Variants in EFHC2 observed in about 807,000 individuals in gnomAD.
EFHC2 encodes EF-hand domain-containing family member C2.
Under a neutral mutation model 52.7 loss-of-function variants are expected in EFHC2, and 18 were observed. The ratio of observed to expected loss-of-function variants is 0.34; its 90% CI spans 0.24 to 0.51. The LOEUF (loss-of-function observed/expected upper bound fraction) is 0.51, where lower values mean the gene tolerates loss of function less well. Among genes scored for constraint, EFHC2 ranks in the 20% least tolerant of loss-of-function variants. The probability of loss-of-function intolerance (pLI) is 0.97; values close to 1 mark genes in which losing one functional copy is unlikely to be tolerated. For synonymous variants in EFHC2, 203 were observed against 204.1 expected (o/e 0.99, Z 0.04); for missense variants, 513 against 562.5 (o/e 0.91, Z 0.89).
chrX:44,174,232 G>A (rs1303817146), intron 13 of EFHC2, among the ~76,000 whole-genome samples: 4 of 111,614 alleles, frequency 3.6e-5, no homozygotes, highest in Non-Finnish European at 5.6e-5. Flanking sequence ...CGAGAGATAA[G>A]GAATCTGAGG....
intron 14 of EFHC2, among the ~76,000 whole-genome samples, chrX:44,150,923 G>A (rs2036565459): frequency 2.7e-5 from 3 of 110,971 alleles, no homozygotes; most frequent in South Asian, 3.9e-4. Context: ...AGATCATACC[G>A]GAGTAGGGTG....
chrX:44,254,897 G>A (rs1454964105), intron 4 of EFHC2, among the ~76,000 whole-genome samples: 1 of 111,801 alleles, frequency 8.9e-6, no homozygotes. Context: ...CCCACAAAGG[G>A]AAGCCCATCA....
chrX:44,174,825 C>G (rs2036773908), intron 13 of EFHC2, among the ~76,000 whole-genome samples: 2 of 111,261 alleles, frequency 1.8e-5, no homozygotes, highest in South Asian at 7.7e-4. Flanking sequence ...GGATCCCTCA[C>G]ACGGCTGCTA....
intron 11 of EFHC2, among the ~76,000 whole-genome samples, chrX:44,195,395 C>T (rs58203520): frequency 0.032 from 3,588 of 111,341 alleles, 162 homozygotes; most frequent in African/African-American, 0.11. Context: ...GACCTGTAAG[C>T]TAAATAAATG....
Position 44,210,618 on chromosome X carries a change from T to C in EFHC2, c.1751+19031A>G, listed in dbSNP as rs181814632. 3.5e-3 allele frequency among the ~76,000 whole-genome samples: 390 copies of C among 112,570 alleles called. 1 individual carries two copies. The highest frequency in any genetic ancestry group is 3.7e-3 in the Non-Finnish European group (196 of 53,322). The stretch of plus-strand genomic sequence containing the variant: ...GATGCTAAAAAAAATTGCATATCCA[T>C]GTGCAAACGAGCAAAACTTTTTAAC... On this transcript the variant is annotated intron_variant, in intron 11 of 14. Transcript: ENST00000420999.
intron 11 of EFHC2, among the ~76,000 whole-genome samples, chrX:44,221,617 C>T (rs1464620434): frequency 1.8e-5 from 2 of 111,640 alleles, no homozygotes; most frequent in Non-Finnish European, 3.8e-5. Flanking sequence ...GATGAACCTT[C>T]ATAATCAATC....
At chrX:44,198,388 T>C (rs2036981093) in intron 11 of EFHC2, among the ~76,000 whole-genome samples, 1 of 111,946 alleles carries the variant, frequency 8.9e-6, no homozygotes, top group South Asian at 3.7e-4. Context: ...ATAGTGGAAC[T>C]GATTTTAACT....
At chrX:44,323,770 G>A (rs1786141414) in intron 1 of EFHC2, among the ~76,000 whole-genome samples, 1 of 111,457 alleles carries the variant, frequency 9.0e-6, no homozygotes, top group Admixed American at 9.6e-5. Context: ...ACAGCTGCAA[G>A]AGAAAGAGAA....
At chrX:44,179,760 C>T (rs1387407741) in intron 11 of EFHC2, among the ~76,000 whole-genome samples, 2 of 112,105 alleles carry the variant, frequency 1.8e-5, no homozygotes, top group African/African-American at 3.2e-5. Context: ...GCAGGAGGCT[C>T]GCTATATGGA....
intron 4 of EFHC2, among the ~76,000 whole-genome samples, chrX:44,257,945 C>A (rs2037505732): frequency 9.0e-6 from 1 of 111,492 alleles, no homozygotes; most frequent in Non-Finnish European, 1.9e-5. Flanking sequence ...AGATATAGAC[C>A]AATGGAACAG....
intron 11 of EFHC2, among the ~76,000 whole-genome samples, chrX:44,218,918 G>T (rs2147311145): frequency 9.0e-6 from 1 of 111,098 alleles, no homozygotes; most frequent in Non-Finnish European, 1.9e-5. Flanking sequence ...ATTCATATTA[G>T]CCCCAAATCG....
intron 11 of EFHC2, among the ~76,000 whole-genome samples, chrX:44,204,154 A>G (rs907200818): frequency 1.8e-5 from 2 of 108,921 alleles, no homozygotes; most frequent in African/African-American, 6.7e-5. Flanking sequence ...TCAATCACAC[A>G]CAACATACAC....
At chrX:44,188,784 A>G (rs908150205) in intron 11 of EFHC2, among the ~76,000 whole-genome samples, 8 of 110,995 alleles carry the variant, frequency 7.2e-5, no homozygotes, top group African/African-American at 2.3e-4. Context: ...AAGGAGGCTG[A>G]GAGGAATGGG....
Position 44,312,561 on chromosome X carries a change from G to A in EFHC2, c.231+7C>T, listed in dbSNP as rs772977650. ...GACTGCATTCCTCCCAGTGTCATGT[G>A]ACTTACCTGTTTATCAAAGGCTACC... is the stretch of plus-strand genomic sequence containing the variant. On this transcript the variant is annotated splice_region_variant and intron_variant, in intron 2 of 14. Transcript: ENST00000420999. 2.2e-5 allele frequency: 26 copies of A among 1,185,104 alleles called. No individual in the cohort carries two copies. Among genetic ancestry groups the A allele is most frequent in the Non-Finnish European group, 2.3e-5 (20 of 880,995 alleles).
intron 3 of EFHC2, among the ~76,000 whole-genome samples, chrX:44,268,205 T>C (rs1374977903): frequency 9.0e-6 from 1 of 111,691 alleles, no homozygotes; most frequent in Admixed American, 9.6e-5. Flanking sequence ...GTCTTTTTTT[T>C]CTGAGACTTT....
At chrX:44,264,485 C>T (rs1055201873) in intron 3 of EFHC2, among the ~76,000 whole-genome samples, 2 of 111,865 alleles carry the variant, frequency 1.8e-5, no homozygotes, top group African/African-American at 6.5e-5. Flanking sequence ...TTCTCTTAGC[C>T]GCTACACTTC....
intron 11 of EFHC2, among the ~76,000 whole-genome samples, chrX:44,210,780 T>TA (rs758880314): frequency 8.9e-6 from 1 of 112,510 alleles, no homozygotes; most frequent in South Asian, 3.6e-4. Context: ...CAAGACTTCT[T>TA]AGATACAATA....
chrX:44,258,906 C>A (rs1312371496), intron 4 of EFHC2, among the ~76,000 whole-genome samples: 2 of 109,652 alleles, frequency 1.8e-5, no homozygotes, highest in African/African-American at 6.7e-5. Context: ...ACAACAGATG[C>A]TGGAGAGGAT....
intron 14 of EFHC2, 134 bp from the exon 15 acceptor site, chrX:44,149,030 T>C (rs1177037825): frequency 8.2e-6 from 4 of 487,678 alleles, no homozygotes; most frequent in Non-Finnish European, 1.4e-5. Context: ...TGTGGTCTAC[T>C]GGATACTTGT....
Sources: gnomAD v4.1 joint callset for allele counts (sites outside exome capture counted in the v4.1 genomes callset) on GRCh38, gnomAD v4.1.1 for gene constraint, MANE v1.5 for transcripts, NCBI Gene and HGNC (gene_info 2026-07-23, HGNC 2026-07-21) for gene names.